The following ZNF827 variants were observed in gnomAD, a reference collection of about 807,000 sequenced individuals.
The protein encoded by ZNF827 is zinc finger protein 827.
In ZNF827, 13 loss-of-function variants were observed where a neutral mutation model predicts 102.4. That is an observed-to-expected ratio of 0.13 (90% confidence interval 0.08 to 0.20). ZNF827 has a LOEUF of 0.20. Among genes scored for constraint, ZNF827 ranks in the 10% least tolerant of loss-of-function variants. The pLI is 1.00. For synonymous variants in ZNF827, 523 were observed against 536.2 expected, an observed-to-expected ratio of 0.98 and a Z score of 0.34; for missense variants, 1,103 against 1,344.4, an observed-to-expected ratio of 0.82 and a Z score of 2.81.
chr4:145,938,149 AAG>A (rs962935399), intron 1 of ZNF827, among the ~76,000 whole-genome samples: 6 of 151,840 alleles, frequency 4.0e-5, no homozygotes, highest in Non-Finnish European at 5.9e-5. Flanking sequence ...AAGAAAGAAA[AAG>A]AGAGAGAGAA....
chr4:145,846,047 A>G, intron 6 of ZNF827, 34 bp from the exon 7 acceptor site: 1 of 1,609,474 alleles, frequency 6.2e-7, no homozygotes, highest in Non-Finnish European at 8.5e-7. Flanking sequence ...TACACCTCTT[A>G]GGTTGTTCTC....
chr4:145,891,774 T>C (rs1033543906), intron 3 of ZNF827, among the ~76,000 whole-genome samples: 6 of 152,154 alleles, frequency 3.9e-5, no homozygotes, highest in African/African-American at 1.4e-4. Context: ...TCTCTGTGTG[T>C]TCCTCTTAGT....
At chr4:145,904,734 G>A (rs748723916) in intron 1 of ZNF827, among the ~76,000 whole-genome samples, 52 of 152,226 alleles carry the variant, frequency 3.4e-4, no homozygotes, top group Non-Finnish European at 5.3e-4. Context: ...GTGTGTGCGC[G>A]TGTGTGCACA....
intron 8 of ZNF827, among the ~76,000 whole-genome samples, chr4:145,799,886 T>C (rs536671508): frequency 1.3e-5 from 2 of 152,134 alleles, no homozygotes; most frequent in Non-Finnish European, 2.9e-5. Context: ...AATGGCAGGA[T>C]AACAAGAGAG....
intron 11 of ZNF827, among the ~76,000 whole-genome samples, chr4:145,768,536 T>C (rs1199895116): frequency 6.6e-6 from 1 of 152,016 alleles, no homozygotes; most frequent in Non-Finnish European, 1.5e-5. Flanking sequence ...GACTTAAGAA[T>C]GTTAAGATGT....
At chr4:145,784,948 T>C (rs1443225967) in intron 8 of ZNF827, among the ~76,000 whole-genome samples, 1 of 152,218 alleles carries the variant, frequency 6.6e-6, no homozygotes, top group Non-Finnish European at 1.5e-5. Flanking sequence ...TAACCATAAA[T>C]TGCTTCCAGA....
At chr4:145,900,534 C>T (rs2126880277) in intron 2 of ZNF827, among the ~76,000 whole-genome samples, 1 of 152,084 alleles carries the variant, frequency 6.6e-6, no homozygotes, top group African/African-American at 2.4e-5. Flanking sequence ...CTCAGCCTCC[C>T]AAGTAGCTGG....
intron 4 of ZNF827, among the ~76,000 whole-genome samples, chr4:145,874,074 A>G (rs11100902): frequency 0.64 from 96,538 of 151,946 alleles, 32,194 homozygotes; most frequent in East Asian, 0.85. Context: ...TCTAGAGATC[A>G]TTAAGCAGAT....
At chr4:145,806,718 A>C (rs1489109770) in intron 8 of ZNF827, among the ~76,000 whole-genome samples, 4 of 151,976 alleles carry the variant, frequency 2.6e-5, no homozygotes, top group Non-Finnish European at 5.9e-5. Flanking sequence ...AACAGAAATT[A>C]GAATGCTTAT....
At chr4:145,815,094 AGAG>A (rs1220439019) in intron 8 of ZNF827, among the ~76,000 whole-genome samples, 1 of 152,158 alleles carries the variant, frequency 6.6e-6, no homozygotes, top group African/African-American at 2.4e-5. Flanking sequence ...GAAAAATAGG[AGAG>A]GAGGGTTTTA....
rs1366613184 is a variant in ZNF827, at chr4:145,932,765, C to T, written c.43+5600G>A. 4.6e-5 allele frequency among the ~76,000 whole-genome samples: 7 copies of T among 152,204 alleles called. 1 individual carries two copies. The highest frequency in any genetic ancestry group is 7.2e-5 in the African/African-American group (3 of 41,452). ...TTGGGATTACAGGCGTGAGCCACCG[C>T]GCTCAGCTTGTATTTTAAACCAACT... On this transcript the variant is annotated intron_variant, in intron 1 of 14. Coordinates refer to ENST00000508784, the MANE Select transcript of ZNF827 (RefSeq NM_001306215.2).
At chr4:145,825,883 G>T (rs945561139) in intron 7 of ZNF827, among the ~76,000 whole-genome samples, 7 of 152,166 alleles carry the variant, frequency 4.6e-5, no homozygotes, top group African/African-American at 9.7e-5. Context: ...GAAAAGAAAA[G>T]ATTTCTTCTG....
At chr4:145,769,359 C>T (rs866858210) in intron 11 of ZNF827, among the ~76,000 whole-genome samples, 2 of 152,080 alleles carry the variant, frequency 1.3e-5, no homozygotes, top group African/African-American at 4.8e-5. Flanking sequence ...ACATTTTTAG[C>T]GGAGACCCTG....
At chr4:145,817,077 GA>G (rs1742658158) in intron 8 of ZNF827, among the ~76,000 whole-genome samples, 1 of 152,166 alleles carries the variant, frequency 6.6e-6, no homozygotes, top group Non-Finnish European at 1.5e-5. Context: ...GCAGCTTGAT[GA>G]ATTTTCACAA....
intron 8 of ZNF827, among the ~76,000 whole-genome samples, chr4:145,804,177 C>T (rs2126316888): frequency 6.6e-6 from 1 of 152,292 alleles, no homozygotes; most frequent in African/African-American, 2.4e-5. Flanking sequence ...TGATGTAATC[C>T]AATCACTTGT....
In ZNF827 at chr4:145,903,206, C is replaced by T. The variant is rs753161817; in HGVS notation, c.53G>A (p.Arg18Lys). The T allele has an allele frequency of 5.6e-6, 9 of 1,607,570 alleles. No individual in the cohort carries two copies. In the Admixed American group the frequency reaches 1.3e-4, roughly 24 times the overall value. The change falls in exon 2 of 15, where the codon AGG (arginine) becomes AAG (lysine). Residue 18 changes from arginine (R) to lysine (K), a missense_variant. This residue lies in a region of ZNF827 where 441 missense variants were observed against 458.6 expected (regional missense o/e 0.96). Transcript: ENST00000508784. ...GAGCTCTCCCTCCGCCTCTTCCTGC[C>T]TACTAACATCTGGGGAGAATTAAGA... is the stretch of plus-strand genomic sequence containing the variant. The part of the protein sequence containing the change: ...QPKRLPSHVS[R>K]QEEAEGELSE...
Position 145,902,147 on chromosome 4 carries a change from GAAA to G in ZNF827, c.1093+16_1093+18del. On this transcript the variant is annotated intron_variant, in intron 2 of 14. Transcript: ENST00000508784. This position sits in a 1 kb window ranked among gnomAD's most constrained non-coding sequence, Gnocchi z 4.3. ...AGTCTAAAGGACTTACACGATGATTGAAAGAAAAGATGCCATACCTGAATTGGA... is the reference window on the plus strand; with the variant it reads ...AGTCTAAAGGACTTACACGATGATTGGAAAAGATGCCATACCTGAATTGGA... 6.4e-7 allele frequency: 1 copy of G among 1,563,800 alleles called. No homozygotes were observed. Among genetic ancestry groups the G allele is most frequent in the Non-Finnish European group, 8.6e-7 (1 of 1,161,006 alleles).
intron 8 of ZNF827, among the ~76,000 whole-genome samples, chr4:145,780,638 C>T (rs1737833032): frequency 6.6e-6 from 1 of 152,158 alleles, no homozygotes; most frequent in Non-Finnish European, 1.5e-5. Flanking sequence ...TACAAACATT[C>T]CTCCTATGAT....
intron 9 of ZNF827, among the ~76,000 whole-genome samples, chr4:145,778,481 G>A (rs902650304): frequency 5.3e-5 from 8 of 151,952 alleles, no homozygotes; most frequent in African/African-American, 9.7e-5. Context: ...TAGTGGCAGC[G>A]TGCACCTGTA....
Sources: gnomAD v4.1 joint callset for allele counts (sites outside exome capture counted in the v4.1 genomes callset) on GRCh38, gnomAD v4.1.1 for gene constraint, gnomAD v4.1.1 regional missense constraint, Gnocchi (gnomAD v3.1) non-coding constraint, MANE v1.5 for transcripts, NCBI Gene and HGNC (gene_info 2026-07-23, HGNC 2026-07-21) for gene names.